Variants in ACACA observed in about 807,000 individuals in gnomAD.
The protein encoded by ACACA is acetyl-CoA carboxylase 1.
ACACA carries 103 observed loss-of-function variants against 296.1 expected under a neutral mutation model. The observed-to-expected ratio is 0.35, with a 90% CI of 0.30 to 0.41. The LOEUF is 0.41. ACACA is among the 10% of genes least tolerant of loss of function. The pLI is 1.00. For missense variants in ACACA, 1,554 were observed against 2,989.7 expected, an observed-to-expected ratio of 0.52 and a Z score of 11.20; for synonymous variants, 953 against 1,038.6, an observed-to-expected ratio of 0.92 and a Z score of 1.58.
At chr17:37,103,057 AG>A (rs1208674046) in intron 52 of ACACA, among the ~76,000 whole-genome samples, 1 of 152,188 alleles carries the variant, frequency 6.6e-6, no homozygotes, top group Non-Finnish European at 1.5e-5. Context: ...GCTTTGTTTT[AG>A]GGGAAAAAAG....
chr17:37,119,002 G>C (rs975246426), intron 50 of ACACA, among the ~76,000 whole-genome samples: 1 of 152,200 alleles, frequency 6.6e-6, no homozygotes, highest in African/African-American at 2.4e-5. Context: ...TATCCAGGGT[G>C]ACACTCTGAA....
At chr17:37,292,878 T>G (rs571504972) in intron 3 of ACACA, among the ~76,000 whole-genome samples, 1 of 151,916 alleles carries the variant, frequency 6.6e-6, no homozygotes, top group Admixed American at 6.6e-5. Context: ...AAAAAGAAAT[T>G]GACTCTAGGC....
chr17:37,238,060 G>A (rs547200081), intron 24 of ACACA, among the ~76,000 whole-genome samples: 3 of 152,072 alleles, frequency 2.0e-5, no homozygotes, highest in Non-Finnish European at 2.9e-5. Flanking sequence ...TCCTTATGAC[G>A]TATTTTGATG....
chr17:37,342,472 C>T (rs7222669), intron 1 of ACACA, among the ~76,000 whole-genome samples: 1 of 105,594 alleles, frequency 9.5e-6, no homozygotes, highest in East Asian at 3.1e-4. Flanking sequence ...CACACACACA[C>T]ATATATTTTT....
intron 22 of ACACA, among the ~76,000 whole-genome samples, 156 bp downstream of exon 22, chr17:37,243,215 G>C (rs2080507732): frequency 6.6e-6 from 1 of 152,110 alleles, no homozygotes; most frequent in South Asian, 2.1e-4. Context: ...TCACTGTTGG[G>C]TTTGTACCCT....
intron 54 of ACACA, among the ~76,000 whole-genome samples, chr17:37,091,856 G>C (rs997398931): frequency 3.3e-5 from 5 of 152,042 alleles, no homozygotes; most frequent in Non-Finnish European, 5.9e-5. Context: ...GATTATAGGC[G>C]TGTGCCACTG....
Position 37,226,426 on chromosome 17 carries a change from A to G in ACACA, c.3273T>C (p.Thr1091=), listed in dbSNP as rs770992878. Residue 1091 remains threonine, a synonymous_variant, in exon 26 of 56, where the codon ACT becomes ACC. Transcript: ENST00000616317. ...LIDQLCGRDP[T]LTDELLNILT... is the part of the protein sequence containing the mutation. ...GAATATTCAGCAGCTCATCAGTGAG[A>G]GTAGGGTCCCGGCCACACAACTGAT... The G allele has an allele frequency of 3.1e-6, 5 of 1,614,148 alleles. No individual in the cohort carries two copies. The highest frequency in any genetic ancestry group is 4.2e-6 in the Non-Finnish European group (5 of 1,180,002).
chr17:37,395,271 A>G (rs1482539257), intron 1 of ACACA, among the ~76,000 whole-genome samples: 1 of 151,866 alleles, frequency 6.6e-6, no homozygotes, highest in African/African-American at 2.4e-5. Context: ...TTTACTAAAA[A>G]TACAAAAAAT....
At chr17:37,255,111 A>AG (rs1369096820) in intron 14 of ACACA, among the ~76,000 whole-genome samples, 1 of 152,060 alleles carries the variant, frequency 6.6e-6, no homozygotes, top group East Asian at 1.9e-4. Flanking sequence ...AAAAAAAAAA[A>AG]AGGAAAATAC....
chr17:37,141,447 G>C (rs544117991), intron 45 of ACACA: 30 of 294,918 alleles, frequency 1.0e-4, no homozygotes, highest in African/African-American at 6.6e-4. Context: ...TTATTTTGTA[G>C]AGGGGGTCTT....
intron 1 of ACACA, chr17:37,386,230 A>G: frequency 1.5e-6 from 1 of 678,518 alleles, no homozygotes. Context: ...ATCTACTGAT[A>G]TTTTTCTTGA....
At chr17:37,386,984 A>G (rs2050565620) in intron 1 of ACACA, 1 of 151,946 alleles carries the variant, frequency 6.6e-6, no homozygotes, top group Non-Finnish European at 1.5e-5. Flanking sequence ...TGTTCAGCTA[A>G]TTTTTAAATT....
intron 2 of ACACA, among the ~76,000 whole-genome samples, chr17:37,333,995 C>T (rs933281911): frequency 6.6e-6 from 1 of 151,770 alleles, no homozygotes; most frequent in African/African-American, 2.4e-5. Context: ...TGACAATGGC[C>T]CTGCTTTCAA....
chr17:37,105,476 C>CAAAAA (rs1315923924), intron 52 of ACACA, among the ~76,000 whole-genome samples: 1 of 151,086 alleles, frequency 6.6e-6, no homozygotes, highest in Non-Finnish European at 1.5e-5. Flanking sequence ...GGCTCCATCT[C>CAAAAA]AAAAACAAAA....
At chr17:37,268,183 T>C (rs957514098) in intron 10 of ACACA, among the ~76,000 whole-genome samples, 2 of 152,208 alleles carry the variant, frequency 1.3e-5, no homozygotes, top group African/African-American at 4.8e-5. Flanking sequence ...TCTACTGTTT[T>C]GTTCTTCTTG....
rs1276823003 is a variant in ACACA, at chr17:37,097,218, T to G, written c.6721-52A>C. On this transcript the variant is annotated intron_variant, in intron 53 of 55. Coordinates refer to ENST00000616317, the MANE Select transcript of ACACA (RefSeq NM_198834.3). This position sits in a 1 kb window ranked among gnomAD's most constrained non-coding sequence, Gnocchi z 4.8. ...CCCAGTCCTAATTCCTGCTTAATGC[T>G]CAGTCTGGAGGGAAACCCACAGGCA... The G allele has an allele frequency of 6.3e-7, 1 of 1,595,080 alleles. No individual in the cohort carries two copies. Among genetic ancestry groups the G allele is most frequent in the South Asian group, 1.1e-5 (1 of 90,378 alleles).
chr17:37,229,925 G>A (rs1002455326), intron 25 of ACACA, among the ~76,000 whole-genome samples: 5 of 151,830 alleles, frequency 3.3e-5, no homozygotes, highest in Non-Finnish European at 7.4e-5. Context: ...AAATTAGCTG[G>A]GCGTGGTGGC....
chr17:37,285,830 CA>C (rs925946508), intron 3 of ACACA, among the ~76,000 whole-genome samples: 12 of 147,958 alleles, frequency 8.1e-5, no homozygotes, highest in South Asian at 4.3e-4. Flanking sequence ...ATGGGTGTCT[CA>C]AAAAAAAAAT....
intron 45 of ACACA, among the ~76,000 whole-genome samples, chr17:37,136,280 A>G (rs1420537033): frequency 1.3e-5 from 2 of 152,120 alleles, no homozygotes; most frequent in Admixed American, 6.5e-5. Context: ...TGCCTTTTCT[A>G]GAATGTTACA....
Sources: allele counts gnomAD v4.1 joint callset (sites outside exome capture counted in the v4.1 genomes callset), GRCh38; gene constraint gnomAD v4.1.1; non-coding constraint Gnocchi (gnomAD v3.1); transcripts MANE v1.5; gene names NCBI Gene and HGNC (gene_info 2026-07-23, HGNC 2026-07-21).